The following XKR6 variants were observed in gnomAD, a reference collection of about 807,000 sequenced individuals.
The protein encoded by XKR6 is XK related 6.
Under a neutral mutation model 56.7 loss-of-function variants are expected in XKR6, and 22 were observed. The ratio of observed to expected loss-of-function variants is 0.39; its 90% CI spans 0.28 to 0.55. The LOEUF (loss-of-function observed/expected upper bound fraction) is 0.55, where lower values mean the gene tolerates loss of function less well. XKR6 is among the 20% of genes least tolerant of loss of function. The pLI, the probability that XKR6 is intolerant of heterozygous loss-of-function variation, is 0.66. For synonymous variants in XKR6, 524 were observed against 387.8 expected, an observed-to-expected ratio of 1.35 and a Z score of -4.13; for missense variants, 852 against 889.0, an observed-to-expected ratio of 0.96 and a Z score of 0.53.
chr8:11,032,846 G>A (rs1799024481), intron 1 of XKR6, among the ~76,000 whole-genome samples: 3 of 152,204 alleles, frequency 2.0e-5, no homozygotes, highest in African/African-American at 7.2e-5. Context: ...GTTGACACTG[G>A]CCCTCCCCTC....
intron 1 of XKR6, among the ~76,000 whole-genome samples, chr8:11,053,002 G>C (rs1257626159): frequency 6.6e-6 from 1 of 152,188 alleles, no homozygotes; most frequent in Non-Finnish European, 1.5e-5. Flanking sequence ...GGGTGCCAGA[G>C]AGCACTGCGC....
chr8:10,940,376 C>T (rs897445198), intron 1 of XKR6, among the ~76,000 whole-genome samples: 1 of 152,306 alleles, frequency 6.6e-6, no homozygotes, highest in East Asian at 1.9e-4. Context: ...CCGCAGTAGT[C>T]ACTGTGGACA....
At chr8:10,901,721 A>G (rs1266548257) in intron 2 of XKR6, among the ~76,000 whole-genome samples, 2 of 152,198 alleles carry the variant, frequency 1.3e-5, no homozygotes, top group African/African-American at 4.8e-5. Flanking sequence ...TCTACTCAGA[A>G]AAGCGTGAGT....
At chr8:11,010,455 T>C (rs1427901369) in intron 1 of XKR6, among the ~76,000 whole-genome samples, 5 of 152,212 alleles carry the variant, frequency 3.3e-5, no homozygotes, top group Non-Finnish European at 7.3e-5. Context: ...TTCTTGTTTA[T>C]AAAATGAGAC....
chr8:10,944,059 C>G (rs992289433), intron 1 of XKR6, among the ~76,000 whole-genome samples: 1 of 152,120 alleles, frequency 6.6e-6, no homozygotes, highest in Non-Finnish European at 1.5e-5. Flanking sequence ...AGAGAGAAGC[C>G]TCTCCAGCTA....
At chr8:11,003,720 G>A (rs73662672) in intron 1 of XKR6, among the ~76,000 whole-genome samples, 7,231 of 152,274 alleles carry the variant, frequency 0.047, 452 homozygotes, top group African/African-American at 0.14. Flanking sequence ...TTGGACTACA[G>A]ACTCTGCCCT....
chr8:11,001,566 A>T (rs1008924387), intron 1 of XKR6, among the ~76,000 whole-genome samples: 2 of 152,206 alleles, frequency 1.3e-5, no homozygotes, highest in Non-Finnish European at 2.9e-5. Flanking sequence ...TTGGATCCCA[A>T]TTCTGGGCCA....
At chr8:11,142,616 G>A (rs1462105920) in intron 1 of XKR6, among the ~76,000 whole-genome samples, 1 of 152,108 alleles carries the variant, frequency 6.6e-6, no homozygotes, top group Non-Finnish European at 1.5e-5. Context: ...CCTTGCTCCA[G>A]CTCTTGCCAT....
chr8:11,174,661 G>A (rs779830640), intron 1 of XKR6, among the ~76,000 whole-genome samples: 7 of 152,284 alleles, frequency 4.6e-5, no homozygotes, highest in African/African-American at 1.7e-4. Flanking sequence ...AGAGCACCAA[G>A]TGTCTTCCTC....
intron 1 of XKR6, among the ~76,000 whole-genome samples, chr8:11,008,823 T>G (rs1198599153): frequency 6.6e-6 from 1 of 152,072 alleles, no homozygotes; most frequent in Non-Finnish European, 1.5e-5. Flanking sequence ...TGCCATTGGT[T>G]GCAGGCCCCC....
chr8:11,061,398 C>A (rs745719842), intron 1 of XKR6, among the ~76,000 whole-genome samples: 10 of 151,768 alleles, frequency 6.6e-5, no homozygotes, highest in Non-Finnish European at 1.3e-4. Flanking sequence ...CCTGGGGAGG[C>A]TGAGGATGCA....
intron 1 of XKR6, among the ~76,000 whole-genome samples, chr8:11,083,585 G>A (rs997079810): frequency 6.6e-6 from 1 of 152,202 alleles, no homozygotes; most frequent in South Asian, 2.1e-4. Context: ...GTTTCCCCTT[G>A]GGGGGCCTGG....
At chr8:11,089,217 G>C (rs1379666447) in intron 1 of XKR6, among the ~76,000 whole-genome samples, 1 of 152,190 alleles carries the variant, frequency 6.6e-6, no homozygotes, top group East Asian at 1.9e-4. Flanking sequence ...CTGATCTAGA[G>C]TGCCAGATGC....
intron 1 of XKR6, among the ~76,000 whole-genome samples, chr8:11,039,918 C>G (rs560877341): frequency 9.8e-5 from 15 of 152,368 alleles, no homozygotes; most frequent in African/African-American, 3.1e-4. Context: ...AGCTTCCTGT[C>G]CATGCCTTAA....
rs773108339 is a variant in XKR6, at chr8:10,898,028, G to T, written c.1850C>A (p.Thr617Asn). 6 of 1,613,792 alleles carry T rather than the reference G, an allele frequency of 3.7e-6. No individual in the cohort carries two copies. The Admixed American group carries it at 8.3e-5, about 22-fold the overall frequency. ...RRTINILQYV[T>N]PTAVGIRYRD... ...ATATCGAATGCCTACTGCGGTGGGGGTGACATATTGTAGAATGTTAATAGT... is the reference window on the plus strand; with the variant it reads ...ATATCGAATGCCTACTGCGGTGGGGTTGACATATTGTAGAATGTTAATAGT... The change falls in exon 3 of 3, where the codon ACC becomes AAC. Residue 617 changes from threonine to asparagine, a missense_variant. By Grantham distance (65) the Thr-to-Asn change is moderately conservative. Around this residue, in one of 4 missense-constraint regions of XKR6, gnomAD observed 39 missense variants for 62.5 expected, o/e 0.62. Coordinates refer to ENST00000416569, the MANE Select transcript of XKR6 (RefSeq NM_173683.4). This position sits in a 1 kb window ranked among gnomAD's most constrained non-coding sequence, Gnocchi z 6.6.
At chr8:10,983,087 A>G (rs1196157691) in intron 1 of XKR6, among the ~76,000 whole-genome samples, 1 of 152,270 alleles carries the variant, frequency 6.6e-6, no homozygotes, top group African/African-American at 2.4e-5. Flanking sequence ...CTGAACAAAA[A>G]TATTCTCAGA....
chr8:11,109,900 C>A lies in XKR6; in HGVS notation c.764+90676G>T, dbSNP rs891376162. 2.6e-5 allele frequency among the ~76,000 whole-genome samples: 4 copies of A among 152,162 alleles called. No individual in the cohort carries two copies. In the South Asian group the frequency reaches 8.3e-4, roughly 32 times the overall value. On this transcript the variant is annotated intron_variant, in intron 1 of 2. Transcript: ENST00000416569. ...AAAGCCTGTCATAATAAGAAAATGA[C>A]TAAACAGCCAATAGAGGTTCAGATT...
At chr8:11,043,760 G>A (rs1799342519) in intron 1 of XKR6, among the ~76,000 whole-genome samples, 1 of 152,246 alleles carries the variant, frequency 6.6e-6, no homozygotes, top group Non-Finnish European at 1.5e-5. Context: ...GAGGTTGGAT[G>A]CACCTCATTA....
chr8:11,005,006 A>G (rs527842096), intron 1 of XKR6, among the ~76,000 whole-genome samples: 19 of 152,296 alleles, frequency 1.2e-4, no homozygotes, highest in African/African-American at 4.6e-4. Flanking sequence ...AGGAACAGAA[A>G]GTAGAACAGA....
Sources: allele counts gnomAD v4.1 joint callset (sites outside exome capture counted in the v4.1 genomes callset), GRCh38; gene constraint gnomAD v4.1.1; regional missense constraint gnomAD v4.1.1; non-coding constraint Gnocchi (gnomAD v3.1); transcripts MANE v1.5; gene names NCBI Gene and HGNC (gene_info 2026-07-23, HGNC 2026-07-21).